Variants in KCNAB1 observed in about 807,000 individuals in gnomAD.
KCNAB1 encodes the protein voltage-gated potassium channel subunit beta-1.
Under a neutral mutation model 64.6 loss-of-function variants are expected in KCNAB1, and 35 were observed. The ratio of observed to expected loss-of-function variants is 0.54; its 90% CI spans 0.41 to 0.72. The LOEUF is 0.72. KCNAB1 is among the 30% of genes least tolerant of loss of function. KCNAB1 has a pLI of 0.00. For missense variants in KCNAB1, 401 were observed against 512.9 expected (o/e 0.78, Z 2.11); for synonymous variants, 177 against 183.8 (o/e 0.96, Z 0.30).
At chr3:156,279,992 T>A (rs963582580) in intron 1 of KCNAB1, among the ~76,000 whole-genome samples, 18 of 150,508 alleles carry the variant, frequency 1.2e-4, no homozygotes, top group Middle Eastern at 3.4e-3. Context: ...TTAGTCAATT[T>A]TGGCTTTTGT....
At chr3:156,332,537 T>G (rs1039955898) in intron 1 of KCNAB1, among the ~76,000 whole-genome samples, 1 of 152,170 alleles carries the variant, frequency 6.6e-6, no homozygotes, top group African/African-American at 2.4e-5. Flanking sequence ...ATGTTCACTG[T>G]GGTACAAGCA....
At chr3:156,424,347 T>C (rs981081779) in intron 2 of KCNAB1, among the ~76,000 whole-genome samples, 1 of 152,174 alleles carries the variant, frequency 6.6e-6, no homozygotes, top group African/African-American at 2.4e-5. Context: ...GTTTTTCTGA[T>C]TCTTCCTAAT....
At chr3:156,297,706 A>T (rs1200442739) in intron 1 of KCNAB1, among the ~76,000 whole-genome samples, 2 of 152,190 alleles carry the variant, frequency 1.3e-5, no homozygotes, top group African/African-American at 4.8e-5. Context: ...GAATTAAAAC[A>T]ATTCAACTGA....
intron 2 of KCNAB1, among the ~76,000 whole-genome samples, chr3:156,443,018 G>T (rs1474062364): frequency 6.6e-6 from 1 of 152,194 alleles, no homozygotes; most frequent in African/African-American, 2.4e-5. Flanking sequence ...CAGTTTGGGG[G>T]CAGAGATAGG....
chr3:156,284,911 A>G (rs1030042645), intron 1 of KCNAB1, among the ~76,000 whole-genome samples: 11 of 152,232 alleles, frequency 7.2e-5, no homozygotes, highest in Non-Finnish European at 1.2e-4. Context: ...ATGGAAATGC[A>G]GAAATCACCC....
chr3:156,220,175 T>A (rs1176386466), intron 1 of KCNAB1, among the ~76,000 whole-genome samples: 1 of 152,156 alleles, frequency 6.6e-6, no homozygotes, highest in East Asian at 1.9e-4. Flanking sequence ...CCGTAATAAA[T>A]ATACGTGTGC....
At chr3:156,236,068 A>T (rs985894940) in intron 1 of KCNAB1, among the ~76,000 whole-genome samples, 1 of 152,182 alleles carries the variant, frequency 6.6e-6, no homozygotes, top group Non-Finnish European at 1.5e-5. Context: ...GTGGCCTGGG[A>T]TTCTGAATTT....
chr3:156,317,798 A>G (rs1455006476), intron 1 of KCNAB1, among the ~76,000 whole-genome samples: 1 of 152,156 alleles, frequency 6.6e-6, no homozygotes, highest in Admixed American at 6.5e-5. Context: ...ACACGTAACC[A>G]TTACTCTGCA....
At chr3:156,420,767 AG>A (rs1428223604) in intron 1 of KCNAB1, among the ~76,000 whole-genome samples, 1 of 152,202 alleles carries the variant, frequency 6.6e-6, no homozygotes, top group Non-Finnish European at 1.5e-5. Context: ...GCTAGTCAGA[AG>A]ACAAAAATGG....
In KCNAB1 at chr3:156,368,137, C is replaced by T. The variant is rs73873341; in HGVS notation, c.276-53479C>T. 6.1e-3 allele frequency among the ~76,000 whole-genome samples: 936 copies of T among 152,200 alleles called. 11 individuals carry two copies. Among genetic ancestry groups the T allele is most frequent in the African/African-American group, 0.021 (861 of 41,520 alleles). On this transcript the variant is annotated intron_variant, in intron 1 of 13. Transcript: ENST00000490337. ...AGTTAAATTTGGATTTCAGATAAAC[C>T]GTGAATAATTTTCCAGTGTGTCTTC...
At chr3:156,483,193 C>T (rs1417289229) in intron 8 of KCNAB1, among the ~76,000 whole-genome samples, 1 of 151,902 alleles carries the variant, frequency 6.6e-6, no homozygotes, top group East Asian at 1.9e-4. Flanking sequence ...AGGGGCTCAG[C>T]AAGGAAAAGA....
intron 8 of KCNAB1, among the ~76,000 whole-genome samples, chr3:156,485,607 T>A (rs2108341013): frequency 6.6e-6 from 1 of 152,122 alleles, no homozygotes; most frequent in Non-Finnish European, 1.5e-5. Flanking sequence ...TTTATTCTAT[T>A]TTAGATTCGG....
chr3:156,476,950 A>G (rs906982622), intron 8 of KCNAB1, among the ~76,000 whole-genome samples: 1 of 152,186 alleles, frequency 6.6e-6, no homozygotes, highest in Non-Finnish European at 1.5e-5. Context: ...TATACCATGT[A>G]CAGGATAGCA....
At chr3:156,450,633 G>C (rs1003265587) in intron 2 of KCNAB1, among the ~76,000 whole-genome samples, 1 of 152,060 alleles carries the variant, frequency 6.6e-6, no homozygotes, top group South Asian at 2.1e-4. Flanking sequence ...TCTGTAAAAA[G>C]GTTTTGATAC....
At chr3:156,446,807 T>C (rs1456697073) in intron 2 of KCNAB1, 1 of 152,350 alleles carries the variant, frequency 6.6e-6, no homozygotes, top group Non-Finnish European at 1.5e-5. Context: ...AACAGCCTCC[T>C]AACTGGTCCC....
chr3:156,445,369 G>A (rs1717335710), intron 2 of KCNAB1, among the ~76,000 whole-genome samples: 1 of 152,084 alleles, frequency 6.6e-6, no homozygotes, highest in Non-Finnish European at 1.5e-5. Context: ...ATAAACTGTG[G>A]TTCTCAACCC....
At chr3:156,353,265 CCTT>C (rs1724971617) in intron 1 of KCNAB1, among the ~76,000 whole-genome samples, 1 of 152,146 alleles carries the variant, frequency 6.6e-6, no homozygotes, top group African/African-American at 2.4e-5. Flanking sequence ...TTTTCTCTCT[CCTT>C]CTCTCCATCC....
intron 1 of KCNAB1, among the ~76,000 whole-genome samples, chr3:156,204,717 C>T (rs1289669598): frequency 6.6e-6 from 1 of 152,122 alleles, no homozygotes; most frequent in Non-Finnish European, 1.5e-5. Context: ...CCTGTAGTCC[C>T]AGCTACTCAG....
chr3:156,187,276 T>C (rs1316293753), intron 1 of KCNAB1, among the ~76,000 whole-genome samples: 1 of 152,192 alleles, frequency 6.6e-6, no homozygotes, highest in East Asian at 1.9e-4. Flanking sequence ...TCCCCATGAG[T>C]TGACTCACTC....
Sources: gnomAD v4.1 joint callset for allele counts (sites outside exome capture counted in the v4.1 genomes callset) on GRCh38, gnomAD v4.1.1 for gene constraint, MANE v1.5 for transcripts, NCBI Gene and HGNC (gene_info 2026-07-23, HGNC 2026-07-21) for gene names.